The following ATCAY variants were observed in gnomAD, a reference collection of about 807,000 sequenced individuals.
ATCAY encodes the protein caytaxin.
In ATCAY, 22 loss-of-function variants were observed where a neutral mutation model predicts 47.7. The ratio of observed to expected loss-of-function variants is 0.46; its 90% CI spans 0.33 to 0.66. The LOEUF (loss-of-function observed/expected upper bound fraction) is 0.66, where lower values mean the gene tolerates loss of function less well. ATCAY is among the 30% of genes least tolerant of loss of function. The pLI is 0.02. For missense variants in ATCAY, 452 were observed against 515.0 expected, an observed-to-expected ratio of 0.88 and a Z score of 1.18; for synonymous variants, 216 against 207.6, an observed-to-expected ratio of 1.04 and a Z score of -0.35.
intron 2 of ATCAY, among the ~76,000 whole-genome samples, chr19:3,894,948 C>CAAAA (rs34311804): frequency 9.1e-5 from 7 of 76,782 alleles, no homozygotes; most frequent in African/African-American, 1.6e-4. Context: ...GACCCTGTCT[C>CAAAA]AAAAAAAAAA....
chr19:3,895,072 A>G (rs1034649395), intron 2 of ATCAY: 13 of 452,912 alleles, frequency 2.9e-5, no homozygotes, highest in African/African-American at 2.0e-4. Context: ...AAGCATCACT[A>G]TCTGCCTTGT....
At chr19:3,885,110 A>T (rs12462409) in intron 1 of ATCAY, among the ~76,000 whole-genome samples, 1,820 of 27,962 alleles carry the variant, frequency 0.065, 6 homozygotes, top group African/African-American at 0.083. Context: ...TTTTTTTTTT[A>T]AAAAAAAAAA....
At chr19:3,900,886 A>G (rs72975166) in intron 2 of ATCAY, among the ~76,000 whole-genome samples, 3,706 of 133,270 alleles carry the variant, frequency 0.028, 65 homozygotes, top group Non-Finnish European at 0.038. Flanking sequence ...ACACAGAGTT[A>G]TCCTTCATCT....
At chr19:3,905,405 T>A (rs554981913) in intron 3 of ATCAY, 29 bp from the exon 4 acceptor site, 2 of 1,550,572 alleles carry the variant, frequency 1.3e-6, no homozygotes, top group East Asian at 4.8e-5. Flanking sequence ...AAAGCAAAGA[T>A]GTTTTCCATT....
At chr19:3,894,639 A>C (rs943484874) in intron 2 of ATCAY, among the ~76,000 whole-genome samples, 50 of 150,780 alleles carry the variant, frequency 3.3e-4, no homozygotes, top group African/African-American at 1.2e-3. Flanking sequence ...AAAAAAAAAA[A>C]AAAAAAACTG....
intron 5 of ATCAY, 143 bp downstream of exon 5, chr19:3,908,062 A>G: frequency 1.6e-6 from 2 of 1,226,232 alleles, no homozygotes; most frequent in Non-Finnish European, 2.3e-6. Flanking sequence ...CAAGGCGTGC[A>G]TGGTCAGGGA....
Position 3,926,441 on chromosome 19 carries a change from C to G in ATCAY, c.*1849C>G, listed in dbSNP as rs1175806178. On this transcript the variant is annotated 3_prime_UTR_variant, in exon 13 of 13. Coordinates refer to ENST00000450849, the MANE Select transcript of ATCAY (RefSeq NM_033064.5). ...GGGCGGGCACATTCTCCAGGCCCTT[C>G]TTCCTAGCTCTGTGGTTGACCTCTC... 6.6e-6 allele frequency: 1 copy of G among 152,258 alleles called. No individual in the cohort carries two copies. The highest frequency in any genetic ancestry group is 1.5e-5 in the Non-Finnish European group (1 of 68,056). The allele number at this position is 152,258 out of a possible 1,614,324, so 9.4% of individuals were successfully genotyped here.
At chr19:3,924,478 C>T (rs537896438) in intron 12 of ATCAY, 105 bp from the exon 13 acceptor site, 4 of 1,397,342 alleles carry the variant, frequency 2.9e-6, no homozygotes, top group Non-Finnish European at 4.0e-6. Flanking sequence ...TGGGAGTTCA[C>T]CCACGCTGGG....
intron 1 of ATCAY, 45 bp from the exon 2 acceptor site, chr19:3,885,682 G>A (rs1169725415): frequency 1.7e-6 from 2 of 1,153,646 alleles, no homozygotes; most frequent in African/African-American, 1.5e-5. Flanking sequence ...ATTGTCATTA[G>A]GACTATTGTC....
At chr19:3,906,504 T>G (rs2038862502) in intron 4 of ATCAY, among the ~76,000 whole-genome samples, 1 of 151,900 alleles carries the variant, frequency 6.6e-6, no homozygotes, top group Admixed American at 6.6e-5. Context: ...GGTTTTCCCA[T>G]GTTGCCCAGG....
At position 3,885,873 on chromosome 19, in the gene ATCAY, G is replaced by A. The variant is rs534896329; in HGVS notation, c.77+29G>A. On this transcript the variant is annotated intron_variant, in intron 2 of 12. Transcript: ENST00000450849. ...GGACTTCCACATCCCTGAGTCAACC[G>A]TTGGGGGAGCAGGTGTCTCTCCCAG... is the stretch of plus-strand genomic sequence containing the variant. The A allele has an allele frequency of 6.8e-5, 106 of 1,548,210 alleles. No individual in the cohort carries two copies. The South Asian group carries it at 8.3e-4, about 12-fold the overall frequency.
At chr19:3,889,243 GTC>G (rs1008003918) in intron 2 of ATCAY, among the ~76,000 whole-genome samples, 2 of 152,076 alleles carry the variant, frequency 1.3e-5, no homozygotes, top group Non-Finnish European at 2.9e-5. Flanking sequence ...GAGAAACCCC[GTC>G]TCTACTAAAA....
In ATCAY at chr19:3,925,600, G is replaced by A. The variant is rs575752493; in HGVS notation, c.*1008G>A. The A allele has an allele frequency of 6.6e-6, 1 of 152,248 alleles. No homozygotes were observed. Among genetic ancestry groups the A allele is most frequent in the African/African-American group, 2.4e-5 (1 of 41,472 alleles). The allele number at this position is 152,248 out of a possible 1,614,324, so 9.4% of individuals were successfully genotyped here. Reference sequence around the variant, plus strand: ...AGCTTGGACCAGCGGGTTCTTGTTCGGGAGGCAAATTTCCCTAGGAAAAAG... The same window carrying A: ...AGCTTGGACCAGCGGGTTCTTGTTCAGGAGGCAAATTTCCCTAGGAAAAAG... On this transcript the variant is annotated 3_prime_UTR_variant, in exon 13 of 13. Transcript: ENST00000450849. The surrounding 1 kb of genome is among the most constrained non-coding windows in gnomAD (Gnocchi z 4.4).
chr19:3,915,642 C>T lies in ATCAY; in HGVS notation c.965+1786C>T, dbSNP rs1254563505. ...TCTCGGGTCACTGCAACCTCCACCT[C>T]CTGGGTTCAAGTGATTCTCCTGCCT... is the stretch of plus-strand genomic sequence containing the variant. On this transcript the variant is annotated intron_variant, in intron 9 of 12. Coordinates refer to ENST00000450849, the MANE Select transcript of ATCAY (RefSeq NM_033064.5). Among the ~76,000 whole-genome samples, 3 of 151,244 alleles carry T rather than the reference C, an allele frequency of 2.0e-5. No individual in the cohort carries two copies. In the East Asian group the frequency reaches 5.8e-4, roughly 29 times the overall value.
intron 2 of ATCAY, among the ~76,000 whole-genome samples, chr19:3,901,459 T>G (rs762108150): frequency 2.6e-5 from 4 of 152,064 alleles, no homozygotes; most frequent in Non-Finnish European, 4.4e-5. Context: ...TATTTATTTA[T>G]TTTTAATACT....
Position 3,913,871 on chromosome 19 carries a change from A to G in ATCAY, c.965+15A>G. On this transcript the variant is annotated intron_variant, in intron 9 of 12. Coordinates refer to ENST00000450849, the MANE Select transcript of ATCAY (RefSeq NM_033064.5). ...TGCGTCCTGCAGTGAGTGGCCCCACAGTCCACCCCGCCGTATTAGTCTGTT... is the reference window on the plus strand; with the variant it reads ...TGCGTCCTGCAGTGAGTGGCCCCACGGTCCACCCCGCCGTATTAGTCTGTT... 1 of 1,586,126 alleles carries G rather than the reference A, an allele frequency of 6.3e-7. No individual in the cohort carries two copies. The highest frequency in any genetic ancestry group is 8.6e-7 in the Non-Finnish European group (1 of 1,161,038).
chr19:3,922,891 T>C (rs961855140), intron 12 of ATCAY, among the ~76,000 whole-genome samples: 4 of 152,066 alleles, frequency 2.6e-5, no homozygotes, highest in South Asian at 2.1e-4. Context: ...ACTACAGGCG[T>C]CTGCCACCAC....
At chr19:3,906,297 T>C (rs1446826862) in intron 4 of ATCAY, among the ~76,000 whole-genome samples, 1 of 149,548 alleles carries the variant, frequency 6.7e-6, no homozygotes, top group Non-Finnish European at 1.5e-5. Flanking sequence ...CATCCGCTCC[T>C]GCGACTGTTT....
intron 9 of ATCAY, among the ~76,000 whole-genome samples, chr19:3,914,369 C>T (rs1366520312): frequency 6.6e-6 from 1 of 151,944 alleles, no homozygotes; most frequent in African/African-American, 2.4e-5. Context: ...GCAAATTCCC[C>T]TTTATAAAAC....
Sources: gnomAD v4.1 joint callset for allele counts (sites outside exome capture counted in the v4.1 genomes callset) on GRCh38, gnomAD v4.1.1 for gene constraint, Gnocchi (gnomAD v3.1) non-coding constraint, MANE v1.5 for transcripts, NCBI Gene and HGNC (gene_info 2026-07-23, HGNC 2026-07-21) for gene names.